The following MAP3K1 variants were observed in gnomAD, a reference collection of about 807,000 sequenced individuals.
The protein encoded by MAP3K1 is MAP/ERK kinase kinase 1.
Under a neutral mutation model 144.2 loss-of-function variants are expected in MAP3K1, and 36 were observed. The ratio of observed to expected loss-of-function variants is 0.25; its 90% CI spans 0.19 to 0.33. The LOEUF (loss-of-function observed/expected upper bound fraction) is 0.33, where lower values mean the gene tolerates loss of function less well. MAP3K1 is among the 10% of genes least tolerant of loss of function. The probability of loss-of-function intolerance (pLI) is 1.00; values close to 1 mark genes in which losing one functional copy is unlikely to be tolerated. For synonymous variants in MAP3K1, 718 were observed against 688.7 expected, an observed-to-expected ratio of 1.04 and a Z score of -0.67; for missense variants, 1,650 against 1,881.9, an observed-to-expected ratio of 0.88 and a Z score of 2.28.
chr5:56,868,960 A>G (rs1360270216), intron 6 of MAP3K1, among the ~76,000 whole-genome samples: 1 of 152,188 alleles, frequency 6.6e-6, no homozygotes, highest in Non-Finnish European at 1.5e-5. Context: ...TCACAAAAAG[A>G]CAAATATTGT....
chr5:56,859,668 C>A, intron 2 of MAP3K1, 47 bp from the exon 3 acceptor site: 1 of 1,372,544 alleles, frequency 7.3e-7, no homozygotes, highest in Non-Finnish European at 1.0e-6. Flanking sequence ...CATTTACTTA[C>A]CTTTTATATT....
chr5:56,874,696 T>A (rs1250285649), intron 9 of MAP3K1, among the ~76,000 whole-genome samples: 3 of 152,108 alleles, frequency 2.0e-5, no homozygotes, highest in African/African-American at 7.2e-5. Context: ...GAATACAGAG[T>A]TGAGGTTTTC....
At chr5:56,854,313 A>G (rs1747266096) in intron 1 of MAP3K1, among the ~76,000 whole-genome samples, 1 of 151,810 alleles carries the variant, frequency 6.6e-6, no homozygotes, top group Non-Finnish European at 1.5e-5. Context: ...CATGCCTGTA[A>G]TACTAGCTAC....
chr5:56,880,999 G>T, intron 12 of MAP3K1, 84 bp from the exon 13 acceptor site: 1 of 1,204,272 alleles, frequency 8.3e-7, no homozygotes, highest in Non-Finnish European at 1.2e-6. Flanking sequence ...TATTTTTGTT[G>T]GCCTTACACC....
In MAP3K1 at chr5:56,893,743, G is replaced by T; in HGVS notation, c.*63G>T. ...TCAACAAGAGAAAAAAAACTTGTGG[G>T]GAACCACATTGATATTCTACTGGCC... On this transcript the variant is annotated 3_prime_UTR_variant, in exon 20 of 20. Coordinates refer to ENST00000399503, the MANE Select transcript of MAP3K1 (RefSeq NM_005921.2). 6.4e-7 allele frequency: 1 copy of T among 1,559,570 alleles called. No individual in the cohort carries two copies. The highest frequency in any genetic ancestry group is 8.8e-7 in the Non-Finnish European group (1 of 1,137,308).
intron 3 of MAP3K1, among the ~76,000 whole-genome samples, chr5:56,861,530 G>A (rs928040433): frequency 5.2e-5 from 7 of 135,722 alleles, no homozygotes; most frequent in African/African-American, 1.1e-4. Flanking sequence ...CCGAGATCAC[G>A]CCACTGCTCT....
At chr5:56,856,476 G>A in intron 1 of MAP3K1, 124 bp from the exon 2 acceptor site, 1 of 814,514 alleles carries the variant, frequency 1.2e-6, no homozygotes, top group Non-Finnish European at 2.0e-6. Flanking sequence ...GGGGTTTTTA[G>A]CAGTTATCTT....
In MAP3K1 at chr5:56,815,825, G is replaced by C. The variant is rs1488910216; in HGVS notation, c.252G>C (p.Pro84=). Residue 84 remains proline (P), a synonymous_variant, in exon 1 of 20, where the codon CCG becomes CCC. Coordinates refer to ENST00000399503, the MANE Select transcript of MAP3K1 (RefSeq NM_005921.2). ...PEQPLFLAAS[P]PASSTSPSPE... ...AGCCGCTCTTCCTTGCCGCCTCACC[G>C]CCGGCCTCCTCGACTTCCCCGTCGC... 7.1e-7 allele frequency: 1 copy of C among 1,417,058 alleles called. No homozygotes were observed. The highest frequency in any genetic ancestry group is 1.4e-5 in the South Asian group (1 of 70,528). The allele number at this position is 1,417,058 out of a possible 1,614,324, so 87.8% of individuals were successfully genotyped here.
At chr5:56,866,222 G>A (rs1747666868) in intron 6 of MAP3K1, among the ~76,000 whole-genome samples, 1 of 152,094 alleles carries the variant, frequency 6.6e-6, no homozygotes, top group South Asian at 2.1e-4. Flanking sequence ...AGACCAGCCT[G>A]GGCAACATAG....
chr5:56,819,530 G>T (rs1022784580), intron 1 of MAP3K1, among the ~76,000 whole-genome samples: 2 of 152,162 alleles, frequency 1.3e-5, no homozygotes, highest in African/African-American at 4.8e-5. Context: ...AAATGAGGGG[G>T]TGGCAAGGTA....
rs1421231119 is a variant in MAP3K1 at position 56,815,621 on chromosome 5, C to G, written c.48C>G (p.Gly16=). 1 of 1,312,104 alleles carries G rather than the reference C, an allele frequency of 7.6e-7. No homozygotes were observed. Among genetic ancestry groups the G allele is most frequent in the Admixed American group, 3.7e-5 (1 of 27,382 alleles). The allele number at this position is 1,312,104 out of a possible 1,614,324, so 81.3% of individuals were successfully genotyped here. Residue 16 remains glycine, a synonymous_variant, in exon 1 of 20, where the codon GGC becomes GGG. Transcript: ENST00000399503. ...GCGCCTCGTCGTCGGGATTCCCGGG[C>G]GCCAGGGCTACGAGCCCTGAGGCAG... ...GNRASSSGFP[G]ARATSPEAGG... is the part of the protein sequence containing the mutation.
At position 56,895,744 on chromosome 5, in the gene MAP3K1, A is replaced by G. The variant is rs1432732088; in HGVS notation, c.*2064A>G. On this transcript the variant is annotated 3_prime_UTR_variant, in exon 20 of 20. Transcript: ENST00000399503. ...TCTTTGGATCAAAGCTGGACTGGAAATTGTATCGTGTAATTATTTTTGTGT... is the reference window on the plus strand; with the variant it reads ...TCTTTGGATCAAAGCTGGACTGGAAGTTGTATCGTGTAATTATTTTTGTGT... The G allele has an allele frequency of 1.3e-5, 3 of 232,106 alleles. No homozygotes were observed. The highest frequency in any genetic ancestry group is 5.6e-5 in the Admixed American group (1 of 17,762). The allele number at this position is 232,106 out of a possible 1,614,324, so 14.4% of individuals were successfully genotyped here.
intron 1 of MAP3K1, among the ~76,000 whole-genome samples, chr5:56,848,474 C>T (rs1579740877): frequency 6.6e-6 from 1 of 152,156 alleles, no homozygotes; most frequent in Non-Finnish European, 1.5e-5. Flanking sequence ...AAGCCCATGA[C>T]ATCTGTTGTT....
chr5:56,832,494 T>C (rs952227737), intron 1 of MAP3K1, among the ~76,000 whole-genome samples: 5 of 152,214 alleles, frequency 3.3e-5, no homozygotes, highest in Non-Finnish European at 5.9e-5. Context: ...ACATCATCCT[T>C]GTGAATTTTG....
At chr5:56,880,934 TAC>T in intron 12 of MAP3K1, 132 bp downstream of exon 12, 1 of 1,045,352 alleles carries the variant, frequency 9.6e-7, no homozygotes, top group Non-Finnish European at 1.4e-6. Flanking sequence ...TTCACTGTGT[TAC>T]AGTTAGAAAT....
intron 11 of MAP3K1, among the ~76,000 whole-genome samples, chr5:56,879,508 A>G (rs937332049): frequency 1.7e-4 from 26 of 152,302 alleles, no homozygotes; most frequent in African/African-American, 6.0e-4. Context: ...TAAAAAATTA[A>G]CAAATCCATC....
chr5:56,845,185 T>G (rs1187903984), intron 1 of MAP3K1, among the ~76,000 whole-genome samples: 1 of 152,238 alleles, frequency 6.6e-6, no homozygotes, highest in Non-Finnish European at 1.5e-5. Flanking sequence ...TTATAGTAAG[T>G]TGTATTATGC....
chr5:56,861,763 A>T (rs1747522659), intron 3 of MAP3K1, among the ~76,000 whole-genome samples: 1 of 152,128 alleles, frequency 6.6e-6, no homozygotes, highest in Admixed American at 6.5e-5. Context: ...TTGCAAAAAG[A>T]TAGGTGGTAA....
In MAP3K1 at chr5:56,881,088, A is replaced by C; in HGVS notation, c.2185A>C (p.Ile729Leu). The C allele has an allele frequency of 6.2e-7, 1 of 1,610,140 alleles. No individual in the cohort carries two copies. Among genetic ancestry groups the C allele is most frequent in the Non-Finnish European group, 8.5e-7 (1 of 1,176,870 alleles). The change falls in exon 13 of 20, where the codon ATT becomes CTT. Residue 729 changes from isoleucine to leucine, a missense_variant. Physicochemically the swap from Ile to Leu is conservative, Grantham distance 5. Around this residue, in one of 6 missense-constraint regions of MAP3K1, gnomAD observed 841 missense variants for 886.5 expected, o/e 0.95. Coordinates refer to ENST00000399503, the MANE Select transcript of MAP3K1 (RefSeq NM_005921.2). ...TTTTACTTTCCTTTTTGTAGGATCC[A>C]TTGGTATTGGTGGTGTTGATTATGT... ...VGREILKAGS[I>L]GIGGVDYVLN...
Sources: gnomAD v4.1 joint callset for allele counts (sites outside exome capture counted in the v4.1 genomes callset) on GRCh38, gnomAD v4.1.1 for gene constraint, gnomAD v4.1.1 regional missense constraint, MANE v1.5 for transcripts, NCBI Gene and HGNC (gene_info 2026-07-23, HGNC 2026-07-21) for gene names.